CDKAL1: variants seen among roughly 807,000 people sequenced by gnomAD.
The protein encoded by CDKAL1 is threonylcarbamoyladenosine tRNA methylthiotransferase.
A neutral mutation model predicts 68.2 loss-of-function variants in CDKAL1; 32 were observed. That is an observed-to-expected ratio of 0.47 (90% CI 0.35 to 0.63). CDKAL1 has a LOEUF of 0.63. Ranked by LOEUF, CDKAL1 falls within the 30% of genes least tolerant of loss-of-function variation. The pLI, the probability that CDKAL1 is intolerant of heterozygous loss-of-function variation, is 0.00. For synonymous variants in CDKAL1, 234 were observed against 244.3 expected, an observed-to-expected ratio of 0.96 and a Z score of 0.39; for missense variants, 606 against 696.7, an observed-to-expected ratio of 0.87 and a Z score of 1.47.
chr6:21,050,775 T>A (rs1770499708), intron 11 of CDKAL1, among the ~76,000 whole-genome samples: 1 of 152,104 alleles, frequency 6.6e-6, no homozygotes, highest in Non-Finnish European at 1.5e-5. Flanking sequence ...GTCCAAGGAT[T>A]TAACTTGTAG....
intron 5 of CDKAL1, among the ~76,000 whole-genome samples, chr6:20,652,010 T>C (rs1768793062): frequency 1.3e-5 from 2 of 152,168 alleles, no homozygotes; most frequent in African/African-American, 4.8e-5. Flanking sequence ...ACCTGAAGTT[T>C]TCTTTTTTTG....
intron 5 of CDKAL1, among the ~76,000 whole-genome samples, chr6:20,697,714 A>C (rs1471946281): frequency 6.6e-6 from 1 of 152,256 alleles, no homozygotes; most frequent in Non-Finnish European, 1.5e-5. Context: ...AGGGACTGTC[A>C]TGAAATGACA....
chr6:20,542,378 G>A (rs1002605974), intron 2 of CDKAL1, among the ~76,000 whole-genome samples: 3 of 152,162 alleles, frequency 2.0e-5, no homozygotes, highest in Non-Finnish European at 4.4e-5. Flanking sequence ...ATCTGTCATG[G>A]TATCCTTGTT....
intron 10 of CDKAL1, among the ~76,000 whole-genome samples, chr6:20,980,588 T>C (rs1009544464): frequency 3.9e-5 from 6 of 152,210 alleles, no homozygotes; most frequent in African/African-American, 1.4e-4. Flanking sequence ...ATTACTAGTA[T>C]ACATTTCACC....
Position 20,913,676 on chromosome 6 carries a change from A to T in CDKAL1, c.743-41743A>T, listed in dbSNP as rs939413725. 6.6e-5 allele frequency among the ~76,000 whole-genome samples: 10 copies of T among 152,250 alleles called. No homozygotes were observed. The South Asian group carries it at 1.0e-3, about 16-fold the overall frequency. ...CTCTTTCCATCCATCTTCTTCCAGG[A>T]GGTCACCCCAGATTTATAGAGTTTG... On this transcript the variant is annotated intron_variant, in intron 9 of 15. Transcript: ENST00000274695.
chr6:21,136,665 A>C (rs1775617837), intron 13 of CDKAL1, among the ~76,000 whole-genome samples: 1 of 152,072 alleles, frequency 6.6e-6, no homozygotes, highest in Middle Eastern at 3.2e-3. Context: ...AAAAATGTGT[A>C]CTTTTTTTTT....
intron 9 of CDKAL1, among the ~76,000 whole-genome samples, chr6:20,902,939 A>G (rs956546769): frequency 6.6e-6 from 1 of 151,930 alleles, no homozygotes; most frequent in Admixed American, 6.6e-5. Context: ...GTAGTAAGTC[A>G]TTTTTCTGTC....
intron 12 of CDKAL1, among the ~76,000 whole-genome samples, chr6:21,068,047 T>A (rs113216002): frequency 1.7e-3 from 34 of 20,332 alleles, no homozygotes; most frequent in African/African-American, 0.012. Context: ...TACCTGTTGG[T>A]TTACCAGTTG....
intron 4 of CDKAL1, among the ~76,000 whole-genome samples, chr6:20,618,001 C>G (rs988548950): frequency 6.6e-6 from 1 of 152,184 alleles, no homozygotes; most frequent in Non-Finnish European, 1.5e-5. Context: ...ACACTGTCTT[C>G]CACAATGGTT....
At chr6:20,607,200 C>A (rs1214193570) in intron 4 of CDKAL1, among the ~76,000 whole-genome samples, 1 of 152,116 alleles carries the variant, frequency 6.6e-6, no homozygotes, top group Non-Finnish European at 1.5e-5. Context: ...CTTCTGGTCA[C>A]CAAATTAACA....
chr6:20,994,534 C>G (rs978112809), intron 10 of CDKAL1, among the ~76,000 whole-genome samples: 1 of 152,072 alleles, frequency 6.6e-6, no homozygotes, highest in Non-Finnish European at 1.5e-5. Flanking sequence ...TTCAGCATAC[C>G]TTTAGAAATA....
At chr6:21,004,076 G>C (rs1767596378) in intron 11 of CDKAL1, among the ~76,000 whole-genome samples, 1 of 152,032 alleles carries the variant, frequency 6.6e-6, no homozygotes, top group African/African-American at 2.4e-5. Context: ...GGCATTTCCT[G>C]ATCTGTTTCC....
At chr6:21,045,491 C>T (rs1481320288) in intron 11 of CDKAL1, among the ~76,000 whole-genome samples, 1 of 152,176 alleles carries the variant, frequency 6.6e-6, no homozygotes, top group African/African-American at 2.4e-5. Flanking sequence ...CTCCCGTGGG[C>T]ACCTGTCTCC....
At chr6:20,738,119 A>G (rs1422966702) in intron 5 of CDKAL1, among the ~76,000 whole-genome samples, 1 of 152,212 alleles carries the variant, frequency 6.6e-6, no homozygotes, top group Non-Finnish European at 1.5e-5. Context: ...TCAGAAACCT[A>G]GAGGTTGCTT....
chr6:21,103,422 T>G (rs1488056953), intron 12 of CDKAL1, among the ~76,000 whole-genome samples: 1 of 126,940 alleles, frequency 7.9e-6, no homozygotes, highest in Non-Finnish European at 1.7e-5. Context: ...AAAAGGAGTT[T>G]AAACTTGAGT....
At chr6:20,791,822 C>A (rs1306555399) in intron 8 of CDKAL1, among the ~76,000 whole-genome samples, 2 of 152,090 alleles carry the variant, frequency 1.3e-5, no homozygotes, top group Non-Finnish European at 2.9e-5. Flanking sequence ...TCCTTTCTTG[C>A]CTTTTTTTTT....
intron 4 of CDKAL1, among the ~76,000 whole-genome samples, chr6:20,577,696 G>A (rs1764970953): frequency 1.3e-5 from 2 of 152,208 alleles, no homozygotes; most frequent in Non-Finnish European, 2.9e-5. Flanking sequence ...CTAGCCCATA[G>A]TTACAGGGCC....
At chr6:20,942,393 G>T (rs1485409418) in intron 9 of CDKAL1, among the ~76,000 whole-genome samples, 1 of 128,658 alleles carries the variant, frequency 7.8e-6, no homozygotes, top group African/African-American at 3.0e-5. Context: ...TTGAGATGGA[G>T]TTTCGCTATT....
At chr6:21,179,121 ACTG>A in intron 13 of CDKAL1, among the ~76,000 whole-genome samples, 1 of 152,206 alleles carries the variant, frequency 6.6e-6, no homozygotes. Context: ...CACTCCTGGC[ACTG>A]CTTTTATGCT....
Sources: gnomAD v4.1 joint callset for allele counts (sites outside exome capture counted in the v4.1 genomes callset) on GRCh38, gnomAD v4.1.1 for gene constraint, MANE v1.5 for transcripts, NCBI Gene and HGNC (gene_info 2026-07-23, HGNC 2026-07-21) for gene names.